Variants in RASA3 observed in about 807,000 individuals in gnomAD.
RASA3 encodes RAS p21 protein activator 3, also known as ras GTPase-activating protein 3.
Under a neutral mutation model 110.0 loss-of-function variants are expected in RASA3, and 73 were observed. The ratio of observed to expected loss-of-function variants is 0.66; its 90% confidence interval spans 0.55 to 0.81. The LOEUF is 0.81. RASA3 is among the 30% of genes least tolerant of loss of function. RASA3 has a pLI of 0.00. For missense variants in RASA3, 976 were observed against 1,113.2 expected, an observed-to-expected ratio of 0.88 and a Z score of 1.75; for synonymous variants, 500 against 451.4, an observed-to-expected ratio of 1.11 and a Z score of -1.37.
chr13:114,029,774 C>T (rs541401902), intron 5 of RASA3, 37 bp downstream of exon 5: 6 of 1,556,100 alleles, frequency 3.9e-6, no homozygotes, highest in East Asian at 2.4e-5. Context: ...ACATGCCACT[C>T]GCTGTGCGCT....
chr13:113,995,678 A>ACG (rs2053218786), intron 21 of RASA3, among the ~76,000 whole-genome samples: 1 of 82,442 alleles, frequency 1.2e-5, no homozygotes, highest in African/African-American at 5.0e-5. Flanking sequence ...GACCCAGCTG[A>ACG]TGGGGGCCCG....
intron 1 of RASA3, among the ~76,000 whole-genome samples, chr13:114,082,580 C>T (rs1055311204): frequency 3.9e-5 from 6 of 152,180 alleles, no homozygotes; most frequent in Admixed American, 1.3e-4. Flanking sequence ...TCCCTTGATG[C>T]GCCGCACTGA....
At chr13:114,051,532 T>C (rs2079146544) in intron 3 of RASA3, among the ~76,000 whole-genome samples, 1 of 152,156 alleles carries the variant, frequency 6.6e-6, no homozygotes, top group African/African-American at 2.4e-5. Flanking sequence ...CCCATGAGCT[T>C]TCTCCAAGAG....
intron 3 of RASA3, among the ~76,000 whole-genome samples, chr13:114,049,752 A>G (rs2079112388): frequency 6.6e-6 from 1 of 152,230 alleles, no homozygotes; most frequent in African/African-American, 2.4e-5. Flanking sequence ...TCTTCTGAGA[A>G]CACCCTTGGA....
chr13:114,035,257 G>A (rs1001753740), intron 4 of RASA3, among the ~76,000 whole-genome samples: 1 of 152,250 alleles, frequency 6.6e-6, no homozygotes, highest in Non-Finnish European at 1.5e-5. Flanking sequence ...AAAGGGAAAA[G>A]GCACAAATTC....
chr13:114,059,050 T>G (rs367885998), intron 2 of RASA3, among the ~76,000 whole-genome samples: 9 of 152,194 alleles, frequency 5.9e-5, no homozygotes, highest in African/African-American at 1.9e-4. Flanking sequence ...ATTTAAAAAT[T>G]AGATGGGTTT....
intron 1 of RASA3, among the ~76,000 whole-genome samples, chr13:114,125,891 ACCGGCAC>A (rs1174975349): frequency 6.4e-4 from 97 of 151,436 alleles, no homozygotes; most frequent in Admixed American, 9.2e-4. Flanking sequence ...CTCCAGAGGT[ACCGGCAC>A]CTGCTGCCCA....
intron 1 of RASA3, among the ~76,000 whole-genome samples, chr13:114,101,630 G>C (rs1158203144): frequency 6.6e-6 from 1 of 152,240 alleles, no homozygotes; most frequent in African/African-American, 2.4e-5. Context: ...AGTCAGCCCT[G>C]TTGGTAAAAC....
At chr13:114,018,074 G>A (rs552268535) in intron 11 of RASA3, 30 bp downstream of exon 11, 20 of 1,482,156 alleles carry the variant, frequency 1.3e-5, no homozygotes, top group African/African-American at 7.0e-5. Context: ...GGTCCAGGCC[G>A]CTCTCCCCCG....
intron 1 of RASA3, among the ~76,000 whole-genome samples, chr13:114,092,176 C>T (rs575123159): frequency 1.4e-4 from 21 of 151,880 alleles, no homozygotes; most frequent in Middle Eastern, 3.4e-3. Flanking sequence ...CATTTCTGCT[C>T]GGATCTTTGT....
intron 21 of RASA3, 125 bp downstream of exon 21, chr13:113,996,406 G>A (rs751268878): frequency 2.0e-4 from 206 of 1,006,194 alleles, no homozygotes; most frequent in Non-Finnish European, 2.4e-4. Context: ...GGGAGGAGGC[G>A]AGGGCAGCCC....
intron 23 of RASA3, among the ~76,000 whole-genome samples, chr13:113,980,031 T>C (rs1566436094): frequency 7.7e-6 from 1 of 130,252 alleles, no homozygotes; most frequent in African/African-American, 2.9e-5. Context: ...TGTGCACCTG[T>C]GTGTGCACCT....
At chr13:114,067,612 G>A (rs1450732521) in intron 2 of RASA3, among the ~76,000 whole-genome samples, 1 of 152,162 alleles carries the variant, frequency 6.6e-6, no homozygotes, top group Non-Finnish European at 1.5e-5. Context: ...GACATTTCTT[G>A]GTTTAGTCAT....
intron 1 of RASA3, among the ~76,000 whole-genome samples, chr13:114,089,539 A>G (rs913203805): frequency 1.6e-4 from 24 of 152,080 alleles, no homozygotes. Flanking sequence ...TCCCAGCTGC[A>G]GAAGAGTTGC....
In RASA3 at chr13:114,112,712, G is replaced by A. The variant is rs1373496512; in HGVS notation, c.55+19723C>T. Reference sequence around the variant, plus strand: ...ACACTCAGGCCTGTGTGGCCAGCGTGGTCCTCCTTTCCCACAGCCAAGGTG... The same window carrying A: ...ACACTCAGGCCTGTGTGGCCAGCGTAGTCCTCCTTTCCCACAGCCAAGGTG... On this transcript the variant is annotated intron_variant, in intron 1 of 23. Transcript: ENST00000334062. The surrounding 1 kb of genome is among the most constrained non-coding windows in gnomAD (Gnocchi z 4.8). Among the ~76,000 whole-genome samples the A allele has an allele frequency of 6.6e-6, 1 of 151,968 alleles. No homozygotes were observed. Among genetic ancestry groups the A allele is most frequent in the African/African-American group, 2.4e-5 (1 of 41,376 alleles).
intron 3 of RASA3, among the ~76,000 whole-genome samples, chr13:114,041,970 C>A (rs1290271734): frequency 6.6e-6 from 1 of 152,224 alleles, no homozygotes; most frequent in Non-Finnish European, 1.5e-5. Context: ...AGTCTGGGAA[C>A]GTCCACTCTA....
At position 113,979,240 on chromosome 13, in the gene RASA3, G is replaced by A. The variant is rs1483995534; in HGVS notation, c.*107C>T. The A allele has an allele frequency of 1.3e-5, 14 of 1,104,918 alleles. No individual in the cohort carries two copies. Among genetic ancestry groups the A allele is most frequent in the Admixed American group, 6.9e-5 (4 of 58,064 alleles). The allele number at this position is 1,104,918 out of a possible 1,614,324, so 68.4% of individuals were successfully genotyped here. A position where few individuals can be genotyped will look rare whatever the true frequency, so the allele number is the denominator to read the frequency against. ...CCACTTGTCTATGGGCCGGGACGGC[G>A]TGCATCTCACTTTGCCGGCTCTGCG... On this transcript the variant is annotated 3_prime_UTR_variant, in exon 24 of 24. Coordinates refer to ENST00000334062, the MANE Select transcript of RASA3 (RefSeq NM_007368.4).
intron 2 of RASA3, among the ~76,000 whole-genome samples, chr13:114,055,313 CGCT>C (rs1027621760): frequency 1.4e-4 from 22 of 152,246 alleles, no homozygotes; most frequent in African/African-American, 4.6e-4. Flanking sequence ...CCACACAATG[CGCT>C]GCTTTCATAA....
intron 23 of RASA3, among the ~76,000 whole-genome samples, chr13:113,980,128 T>G (rs34892393): frequency 7.3e-6 from 1 of 136,114 alleles, no homozygotes. Context: ...GCACCTCCTC[T>G]GTGTGTACCT....
Sources: gnomAD v4.1 joint callset for allele counts (sites outside exome capture counted in the v4.1 genomes callset) on GRCh38, gnomAD v4.1.1 for gene constraint, Gnocchi (gnomAD v3.1) non-coding constraint, MANE v1.5 for transcripts, NCBI Gene and HGNC (gene_info 2026-07-23, HGNC 2026-07-21) for gene names.